Variants in CACNA1S observed in about 807,000 individuals in gnomAD.
CACNA1S encodes calcium voltage-gated channel subunit alpha1 S.
Under a neutral mutation model 207.4 loss-of-function variants are expected in CACNA1S, and 126 were observed. That is an observed-to-expected ratio of 0.61 (90% CI 0.53 to 0.70). The LOEUF (loss-of-function observed/expected upper bound fraction) is 0.70, where lower values mean the gene tolerates loss of function less well. Among genes scored for constraint, CACNA1S ranks in the 30% least tolerant of loss-of-function variants. CACNA1S has a pLI of 0.00. For synonymous variants in CACNA1S, 960 were observed against 932.7 expected, an observed-to-expected ratio of 1.03 and a Z score of -0.53; for missense variants, 2,349 against 2,422.8, an observed-to-expected ratio of 0.97 and a Z score of 0.64.
Position 201,095,121 on chromosome 1 carries a change from G to GGTGTGTGTGT in CACNA1S, c.259-1110_259-1101dup, listed in dbSNP as rs55654000. Among the ~76,000 whole-genome samples the GGTGTGTGTGT allele has an allele frequency of 9.9e-3, 1,471 of 148,944 alleles. 10 individuals are homozygous for GGTGTGTGTGT. Among genetic ancestry groups the GGTGTGTGTGT allele is most frequent in the African/African-American group, 0.013 (530 of 40,420 alleles). ...CCTGCAGCACGGCACAGCTCCAGGA[G>GGTGTGTGTGT]GTGTGTGTGTGTGTGTGTGTGTATA... On this transcript the variant is annotated intron_variant, in intron 2 of 43. Transcript: ENST00000362061.
Position 201,039,831 on chromosome 1 carries a change from T to A in CACNA1S, c.5622A>T (p.Ter1874CysextTer13). 3 of 1,603,582 alleles carry A rather than the reference T, an allele frequency of 1.9e-6. No individual in the cohort carries two copies. The highest frequency in any genetic ancestry group is 2.5e-6 in the Non-Finnish European group (3 of 1,179,990). Residue 1874 changes from the stop codon to cysteine (C), a stop_lost, in exon 44 of 44, where the codon TGA becomes TGT. Coordinates refer to ENST00000362061, the MANE Select transcript of CACNA1S (RefSeq NM_000069.3). ...SQETLIPPRL[*>C] Reference sequence around the variant, plus strand: ...AGCCCATGCTGATGCTGTGTGGGCATCACAGCCTTGGAGGAATAAGGGTCT... The same window carrying A: ...AGCCCATGCTGATGCTGTGTGGGCAACACAGCCTTGGAGGAATAAGGGTCT...
rs1363935279 is a variant in CACNA1S, at chr1:201,053,693, G to A, written c.3667-106C>T. The A allele has an allele frequency of 3.3e-6, 4 of 1,215,096 alleles. No individual in the cohort carries two copies. The East Asian group carries it at 1.0e-4, about 31-fold the overall frequency. The allele number at this position is 1,215,096 out of a possible 1,614,324, so 75.3% of individuals were successfully genotyped here. On this transcript the variant is annotated intron_variant, in intron 29 of 43. Transcript: ENST00000362061. The surrounding 1 kb of genome is among the most constrained non-coding windows in gnomAD (Gnocchi z 5.1). ...TGTGTGTTTTGGGGAGATGTTTGTG[G>A]CATGGAGGAACTCCAGCCCCGCCTC...
Position 201,077,935 on chromosome 1 carries a change from G to C in CACNA1S, c.1563C>G (p.Pro521=). 1 of 1,614,112 alleles carries C rather than the reference G, an allele frequency of 6.2e-7. No homozygotes were observed. The highest frequency in any genetic ancestry group is 8.5e-7 in the Non-Finnish European group (1 of 1,179,964). ...TGCAGCGGAGCACGGAGATGCCCAG[G>C]GGTGTCATGGCACCCGACTCCACCA... ...ILLVESGAMT[P]LGISVLRCIR... The change falls in exon 11 of 44, where the codon CCC becomes CCG. Residue 521 remains proline (P), a synonymous_variant. Coordinates refer to ENST00000362061, the MANE Select transcript of CACNA1S (RefSeq NM_000069.3).
chr1:201,076,831 GAGA>G (rs1661637963), intron 12 of CACNA1S, 86 bp downstream of exon 12: 5 of 1,199,382 alleles, frequency 4.2e-6, no homozygotes. Context: ...AGGCTTCCTG[GAGA>G]AGGTGATGCC....
Position 201,052,641 on chromosome 1 carries a change from CCAAA to C in CACNA1S, c.3865_3868del (p.Phe1289GlyfsTer11), listed in dbSNP as rs1285455172. On this transcript the variant is annotated frameshift_variant, in exon 32 of 44. Transcript: ENST00000362061. LOFTEE classifies it high-confidence loss of function. The stretch of plus-strand genomic sequence containing the variant: ...GGTCCCATCCACCAAGGCGATCTTC[CCAAA>C]CATCTGCAAGTCACAAAGGGCCCTG... The C allele has an allele frequency of 6.2e-7, 1 of 1,613,462 alleles. No homozygotes were observed. The highest frequency in any genetic ancestry group is 1.7e-5 in the Admixed American group (1 of 59,976).
At chr1:201,051,267 A>G in intron 32 of CACNA1S, 124 bp from the exon 33 acceptor site, 1 of 874,142 alleles carries the variant, frequency 1.1e-6, no homozygotes, top group South Asian at 1.4e-5. Context: ...AATGGTAAGG[A>G]GGTCAGATCT....
rs945776492 is a variant in CACNA1S, at chr1:201,066,235, C to A, written c.2739G>T (p.Gly913=). The change falls in exon 21 of 44, where the codon GGG becomes GGT. Residue 913 remains glycine, a synonymous_variant. Coordinates refer to ENST00000362061, the MANE Select transcript of CACNA1S (RefSeq NM_000069.3). The surrounding 1 kb of genome is among the most constrained non-coding windows in gnomAD (Gnocchi z 4.3). ...TGCCCGGGCCCTCTCTCACCTTCAA[C>A]CCCTTGGCTCTGTTGATGGCTCTGA... ...RPLRAINRAK[G]LKHVVQCMFV... 3.1e-6 allele frequency: 5 copies of A among 1,613,778 alleles called. No homozygotes were observed. Among genetic ancestry groups the A allele is most frequent in the African/African-American group, 1.3e-5 (1 of 74,894 alleles).
chr1:201,099,002 A>G (rs1662542119), intron 2 of CACNA1S, among the ~76,000 whole-genome samples: 1 of 152,174 alleles, frequency 6.6e-6, no homozygotes, highest in Admixed American at 6.5e-5. Context: ...AGGTACTTCC[A>G]GAGTCTTGGG....
chr1:201,063,581 G>A lies in CACNA1S; in HGVS notation c.2854-1067C>T, dbSNP rs373038781. The stretch of plus-strand genomic sequence containing the variant: ...CGGGATTACAGGCATGAGCCACCGC[G>A]TCCAGCAGGATGGCTAGGTCTTAAA... On this transcript the variant is annotated intron_variant, in intron 22 of 43. Transcript: ENST00000362061. 1.7e-4 allele frequency among the ~76,000 whole-genome samples: 26 copies of A among 152,240 alleles called. 1 individual carries two copies. Among genetic ancestry groups the A allele is most frequent in the African/African-American group, 1.7e-4 (7 of 41,552 alleles).
chr1:201,058,974 GC>G (rs901700779), intron 27 of CACNA1S, among the ~76,000 whole-genome samples: 5 of 152,178 alleles, frequency 3.3e-5, no homozygotes, highest in African/African-American at 9.7e-5. Flanking sequence ...AGGAAGAGGC[GC>G]CCAGAGTCTT....
chr1:201,077,331 G>A (rs1461206881), intron 11 of CACNA1S, among the ~76,000 whole-genome samples: 2 of 152,152 alleles, frequency 1.3e-5, no homozygotes, highest in Non-Finnish European at 2.9e-5. Context: ...ATTTCACGCT[G>A]GTTAATATGA....
rs1191763135 is a variant in CACNA1S, at chr1:201,105,812, A to T, written c.258+4352T>A. Among the ~76,000 whole-genome samples the T allele has an allele frequency of 5.3e-5, 8 of 152,278 alleles. No homozygotes were observed. The South Asian group carries it at 1.7e-3, about 32-fold the overall frequency. Reference sequence around the variant, plus strand: ...CTCAGCCAGTGCTGGCAGAAGGGATATGGAGGGACACTGCCAAGGGAGCCT... The same window carrying T: ...CTCAGCCAGTGCTGGCAGAAGGGATTTGGAGGGACACTGCCAAGGGAGCCT... On this transcript the variant is annotated intron_variant, in intron 2 of 43. Transcript: ENST00000362061.
Position 201,047,160 on chromosome 1 carries a change from C to G in CACNA1S, c.4623G>C (p.Glu1541Asp). The change falls in exon 38 of 44, where the codon GAG becomes GAC. Residue 1541 changes from glutamate (E) to aspartate (D), a missense_variant. Physicochemically the swap from Glu to Asp is conservative, Grantham distance 45. Coordinates refer to ENST00000362061, the MANE Select transcript of CACNA1S (RefSeq NM_000069.3). Reference protein sequence around the residue: ...EHFRKFMKRQEEYYGYRPKKD... With the variant: ...EHFRKFMKRQDEYYGYRPKKD... Reference sequence around the variant, plus strand: ...TCTTGGGCCGATAGCCATAATACTCCTCTTGGCGTTTCATGAACTTCCGGA... The same window carrying G: ...TCTTGGGCCGATAGCCATAATACTCGTCTTGGCGTTTCATGAACTTCCGGA... The G allele has an allele frequency of 6.2e-7, 1 of 1,614,198 alleles. No individual in the cohort carries two copies. Among genetic ancestry groups the G allele is most frequent in the Non-Finnish European group, 8.5e-7 (1 of 1,180,028 alleles).
At position 201,066,434 on chromosome 1, in the gene CACNA1S, C is replaced by T; in HGVS notation, c.2658-118G>A. The T allele has an allele frequency of 1.4e-5, 12 of 863,152 alleles. No homozygotes were observed. Among genetic ancestry groups the T allele is most frequent in the Non-Finnish European group, 2.3e-5 (12 of 519,438 alleles). 53.5% of individuals were successfully genotyped at this position (863,152 alleles called of 1,614,324 possible). A position where few individuals can be genotyped will look rare whatever the true frequency, so the allele number is the denominator to read the frequency against. ...CCAGCTGCCTTTCTGCCTGAAAACACTCCCACCTTCCCCTTCCCTTTCCTC... is the reference window on the plus strand; with the variant it reads ...CCAGCTGCCTTTCTGCCTGAAAACATTCCCACCTTCCCCTTCCCTTTCCTC... On this transcript the variant is annotated intron_variant, in intron 20 of 43. Coordinates refer to ENST00000362061, the MANE Select transcript of CACNA1S (RefSeq NM_000069.3). The surrounding 1 kb of genome is among the most constrained non-coding windows in gnomAD (Gnocchi z 4.3).
chr1:201,092,143 T>C, intron 3 of CACNA1S, 29 bp from the exon 4 acceptor site: 1 of 1,613,260 alleles, frequency 6.2e-7, no homozygotes, highest in Admixed American at 1.7e-5. Flanking sequence ...AGAGAGGGGG[T>C]CCAGGGGTTG....
In CACNA1S at chr1:201,067,956, G is replaced by A. The variant is rs117339431; in HGVS notation, c.2551-963C>T. Reference sequence around the variant, plus strand: ...TCTCTTAGTTTGTGAATGTGCACGCGGGGGCTACTGGGTTTCAGTTATAGA... The same window carrying A: ...TCTCTTAGTTTGTGAATGTGCACGCAGGGGCTACTGGGTTTCAGTTATAGA... On this transcript the variant is annotated intron_variant, in intron 19 of 43. Coordinates refer to ENST00000362061, the MANE Select transcript of CACNA1S (RefSeq NM_000069.3). Among the ~76,000 whole-genome samples the A allele has an allele frequency of 3.7e-4, 57 of 152,258 alleles. No homozygotes were observed. The East Asian group carries it at 9.8e-3, about 26-fold the overall frequency.
intron 6 of CACNA1S, among the ~76,000 whole-genome samples, chr1:201,088,929 C>T (rs1209920225): frequency 6.6e-6 from 1 of 152,214 alleles, no homozygotes; most frequent in Non-Finnish European, 1.5e-5. Context: ...AAGGGCCCTT[C>T]GTTCCTCAAA....
chr1:201,089,253 C>T lies in CACNA1S; in HGVS notation c.900+5G>A, dbSNP rs914548134. ...ATGGTTCTGCAGGCGCGGGCCCAGA[C>T]CCACCCAGTAAAGGACGTCAGTCCA... On this transcript the variant is annotated splice_donor_5th_base_variant and intron_variant, in intron 6 of 43. Coordinates refer to ENST00000362061, the MANE Select transcript of CACNA1S (RefSeq NM_000069.3). The T allele has an allele frequency of 3.7e-6, 6 of 1,613,804 alleles. No homozygotes were observed. In the African/African-American group the frequency reaches 6.7e-5, roughly 18 times the overall value.
rs368598368 is a variant in CACNA1S, at chr1:201,089,286, A to G, written c.872T>C (p.Met291Thr). ...GTAAAGGACGTCAGTCCATCCCTCC[A>G]TGGTAATGCACTGGTACACGGTGAG... The part of the protein sequence containing the change: ...SMLTVYQCIT[M>T]EGWTDVLYWV... Residue 291 changes from methionine (M) to threonine (T), a missense_variant, in exon 6 of 44, where the codon ATG becomes ACG. Physicochemically the swap from Met to Thr is moderately conservative, Grantham distance 81. Coordinates refer to ENST00000362061, the MANE Select transcript of CACNA1S (RefSeq NM_000069.3). The G allele has an allele frequency of 5.0e-6, 8 of 1,614,076 alleles. No homozygotes were observed. The African/African-American group carries it at 5.3e-5, about 11-fold the overall frequency.
Sources: allele counts gnomAD v4.1 joint callset (sites outside exome capture counted in the v4.1 genomes callset), GRCh38; gene constraint gnomAD v4.1.1; non-coding constraint Gnocchi (gnomAD v3.1); transcripts MANE v1.5; gene names NCBI Gene and HGNC (gene_info 2026-07-23, HGNC 2026-07-21).